The following PXMP4 variants were observed in gnomAD, a reference collection of about 807,000 sequenced individuals.
PXMP4 encodes 24 kDa peroxisomal intrinsic membrane protein.
Under a neutral mutation model 21.6 loss-of-function variants are expected in PXMP4, and 16 were observed. That is an observed-to-expected ratio of 0.74 (90% confidence interval 0.50 to 1.13). The LOEUF is 1.13. Among genes scored for constraint, PXMP4 ranks in the 50% most tolerant of loss-of-function variants. PXMP4 has a pLI of 0.00. For synonymous variants in PXMP4, 127 were observed against 123.8 expected, an observed-to-expected ratio of 1.03 and a Z score of -0.17; for missense variants, 240 against 277.7, an observed-to-expected ratio of 0.86 and a Z score of 0.96.
At chr20:33,710,235 TC>T (rs1269013085) in intron 3 of PXMP4, among the ~76,000 whole-genome samples, 3 of 127,196 alleles carry the variant, frequency 2.4e-5, no homozygotes, top group Non-Finnish European at 3.3e-5. Context: ...CCACGCCCTT[TC>T]CCCCACTCCC....
Position 33,720,115 on chromosome 20 carries a change from C to G in PXMP4, c.93G>C (p.Lys31Asn), listed in dbSNP as rs771048384. ...RRYHAALAVL[K>N]GFRNGAVYGA... ...CTCACACAGCCCCGTTCCGGAAGCC[C>G]TTAAGCACGGCCAACGCAGCGTGGT... is the stretch of plus-strand genomic sequence containing the variant. Residue 31 changes from lysine (K) to asparagine (N), a missense_variant, in exon 1 of 4, where the codon AAG becomes AAC. Lys to Asn is a moderately conservative substitution (Grantham distance 94). Coordinates refer to ENST00000409299, the MANE Select transcript of PXMP4 (RefSeq NM_007238.5). The G allele has an allele frequency of 6.2e-7, 1 of 1,613,710 alleles. No homozygotes were observed. Among genetic ancestry groups the G allele is most frequent in the Non-Finnish European group, 8.5e-7 (1 of 1,179,894 alleles).
intron 2 of PXMP4, among the ~76,000 whole-genome samples, chr20:33,712,012 A>G (rs1204044582): frequency 6.6e-6 from 1 of 151,630 alleles, no homozygotes; most frequent in East Asian, 1.9e-4. Context: ...ACTAGGGGGC[A>G]GGAAGGATAA....
In PXMP4 at chr20:33,710,726, C is replaced by G; in HGVS notation, c.204G>C (p.Leu68=). Residue 68 remains leucine (L), a synonymous_variant, in exon 3 of 4, where the codon CTG becomes CTC. Transcript: ENST00000409299. ...GSLQEKLWAI[L]QATYIHSWNL... ...TCCAGGAGTGGATATATGTGGCCTG[C>G]AGTATGGCCCACAGCTTCTCCTGGA... 6.2e-7 allele frequency: 1 copy of G among 1,611,878 alleles called. No individual in the cohort carries two copies. Among genetic ancestry groups the G allele is most frequent in the East Asian group, 2.2e-5 (1 of 44,834 alleles).
intron 2 of PXMP4, among the ~76,000 whole-genome samples, chr20:33,713,293 A>G (rs1233918937): frequency 2.0e-5 from 3 of 151,914 alleles, no homozygotes; most frequent in Non-Finnish European, 4.4e-5. Flanking sequence ...GCAGGATCCT[A>G]TCTCAAGGTC....
intron 2 of PXMP4, 133 bp downstream of exon 2, chr20:33,714,541 A>T (rs1466254804): frequency 2.1e-6 from 2 of 960,960 alleles, no homozygotes; most frequent in Non-Finnish European, 3.3e-6. Flanking sequence ...CAACAACAAC[A>T]AAACACAACA....
Position 33,710,673 on chromosome 20 carries a change from T to A in PXMP4, c.257A>T (p.Lys86Met). 1 of 1,613,890 alleles carries A rather than the reference T, an allele frequency of 6.2e-7. No homozygotes were observed. Among genetic ancestry groups the A allele is most frequent in the Non-Finnish European group, 8.5e-7 (1 of 1,179,898 alleles). Residue 86 changes from lysine (K) to methionine (M), a missense_variant, in exon 3 of 4, where the codon AAG becomes ATG. By Grantham distance (95) the Lys-to-Met change is moderately conservative. Transcript: ENST00000409299. Reference protein sequence around the residue: ...WNLARFVFTYKGLRALQSYIQ... With the variant: ...WNLARFVFTYMGLRALQSYIQ... The stretch of plus-strand genomic sequence containing the variant: ...GTAGGACTGCAGGGCACGGAGACCC[T>A]TGTAGGTGAACACAAACCGTGCCAG...
In PXMP4 at chr20:33,714,751, G is replaced by T. The variant is rs1022946295; in HGVS notation, c.114-15C>A. 4.3e-6 allele frequency: 7 copies of T among 1,612,650 alleles called. No homozygotes were observed. The African/African-American group carries it at 6.7e-5, about 15-fold the overall frequency. On this transcript the variant is annotated splice_polypyrimidine_tract_variant and intron_variant, in intron 1 of 3. Coordinates refer to ENST00000409299, the MANE Select transcript of PXMP4 (RefSeq NM_007238.5). ...TGGCTCCATAGCTGTAGAAACAGAA[G>T]AAAACAGTTACTATAATGTCACTGT...
chr20:33,703,816 G>C lies in PXMP4; in HGVS notation c.*3890C>G, dbSNP rs911901819. ...ATTCTCCAGCCCTTCAGGCCTGCCA[G>C]AGGCTGGCAAAGGAGGCACCAGTGA... On this transcript the variant is annotated 3_prime_UTR_variant, in exon 4 of 4. Coordinates refer to ENST00000409299, the MANE Select transcript of PXMP4 (RefSeq NM_007238.5). 3 of 152,326 alleles carry C rather than the reference G, an allele frequency of 2.0e-5. No individual in the cohort carries two copies. The highest frequency in any genetic ancestry group is 7.2e-5 in the African/African-American group (3 of 41,454). The allele number at this position is 152,326 out of a possible 1,614,324, so 9.4% of individuals were successfully genotyped here.
chr20:33,720,269 C>T lies in PXMP4; in HGVS notation c.-62G>A. The T allele has an allele frequency of 6.9e-7, 1 of 1,453,022 alleles. No individual in the cohort carries two copies. The allele number at this position is 1,453,022 out of a possible 1,614,324, so 90.0% of individuals were successfully genotyped here. A position where few individuals can be genotyped will look rare whatever the true frequency, so the allele number is the denominator to read the frequency against. The stretch of plus-strand genomic sequence containing the variant: ...TAAGCGCACTGACAGCCGGAGGTTC[C>T]AGCTGCGCGCCCACAGCCCCTCGGT... On this transcript the variant is annotated 5_prime_UTR_variant, in exon 1 of 4. Transcript: ENST00000409299.
intron 1 of PXMP4, among the ~76,000 whole-genome samples, chr20:33,716,304 C>T (rs2018383369): frequency 6.6e-6 from 1 of 152,208 alleles, no homozygotes; most frequent in Non-Finnish European, 1.5e-5. Context: ...TACCTCACCC[C>T]AGGGCCCTCC....
At chr20:33,711,849 C>G (rs1381044706) in intron 2 of PXMP4, among the ~76,000 whole-genome samples, 6 of 151,876 alleles carry the variant, frequency 4.0e-5, no homozygotes, top group African/African-American at 1.5e-4. Context: ...AAAAATTAGC[C>G]AGGTGTGGTG....
chr20:33,718,394 C>T (rs1309079549), intron 1 of PXMP4, among the ~76,000 whole-genome samples: 1 of 151,170 alleles, frequency 6.6e-6, no homozygotes, highest in Non-Finnish European at 1.5e-5. Flanking sequence ...GCCTGTAGTC[C>T]CAGCTACTCA....
At position 33,707,092 on chromosome 20, in the gene PXMP4, C is replaced by T. The variant is rs1257406022; in HGVS notation, c.*614G>A. 6.6e-6 allele frequency: 1 copy of T among 152,124 alleles called. No homozygotes were observed. Among genetic ancestry groups the T allele is most frequent in the Non-Finnish European group, 1.5e-5 (1 of 68,060 alleles). 9.4% of individuals were successfully genotyped at this position (152,124 alleles called of 1,614,324 possible). A position where few individuals can be genotyped will look rare whatever the true frequency, so the allele number is the denominator to read the frequency against. ...ACTGGGTTTCACCATGTTGCCCAGG[C>T]TGGTCTCAAGCTCCTGAGCTCAAGT... is the stretch of plus-strand genomic sequence containing the variant. On this transcript the variant is annotated 3_prime_UTR_variant, in exon 4 of 4. Transcript: ENST00000409299.
chr20:33,707,932 A>G lies in PXMP4; in HGVS notation c.413T>C (p.Leu138Pro), dbSNP rs1489112050. ...GCCCTTCTCTACAGCCAGGCGGCTC[A>G]GGGCAAACAGGACGCGTGACAACAG... Reference protein sequence around the residue: ...MYLLSRVLFALSRLAVEKGYI... With the variant: ...MYLLSRVLFAPSRLAVEKGYI... Residue 138 changes from leucine (L) to proline (P), a missense_variant, in exon 4 of 4, where the codon CTG becomes CCG. Leu to Pro is a moderately conservative substitution (Grantham distance 98). Coordinates refer to ENST00000409299, the MANE Select transcript of PXMP4 (RefSeq NM_007238.5). The G allele has an allele frequency of 6.2e-7, 1 of 1,613,950 alleles. No homozygotes were observed. The highest frequency in any genetic ancestry group is 8.5e-7 in the Non-Finnish European group (1 of 1,180,046).
intron 1 of PXMP4, among the ~76,000 whole-genome samples, chr20:33,717,423 G>T (rs967509827): frequency 6.6e-6 from 1 of 151,092 alleles, no homozygotes; most frequent in Non-Finnish European, 1.5e-5. Flanking sequence ...GGCGGATCAC[G>T]AGGTCAGGAG....
rs888869784 is a variant in PXMP4 at position 33,714,261 on chromosome 20, C to T, written c.176+413G>A. Among the ~76,000 whole-genome samples the T allele has an allele frequency of 7.2e-5, 11 of 152,230 alleles. No individual in the cohort carries two copies. In the East Asian group the frequency reaches 1.5e-3, roughly 21 times the overall value. ...CAGAGTTGGACTTTAGGGCCGGGCACGGTGACTCACACCTGTAATCTCAGC... is the reference window on the plus strand; with the variant it reads ...CAGAGTTGGACTTTAGGGCCGGGCATGGTGACTCACACCTGTAATCTCAGC... On this transcript the variant is annotated intron_variant, in intron 2 of 3. Coordinates refer to ENST00000409299, the MANE Select transcript of PXMP4 (RefSeq NM_007238.5).
chr20:33,705,018 C>T lies in PXMP4; in HGVS notation c.*2688G>A, dbSNP rs2018242834. 8.5e-6 allele frequency: 1 copy of T among 117,912 alleles called. No homozygotes were observed. The highest frequency in any genetic ancestry group is 3.4e-5 in the African/African-American group (1 of 29,622). 7.3% of individuals were successfully genotyped at this position (117,912 alleles called of 1,614,324 possible). The stretch of plus-strand genomic sequence containing the variant: ...TTTTTTTTTTTTTTTTTTTTTGAGA[C>T]AGAGTCTTACTCTGTCACCCAGGCT... On this transcript the variant is annotated 3_prime_UTR_variant, in exon 4 of 4. Transcript: ENST00000409299.
chr20:33,710,386 AC>A (rs1459978176), intron 3 of PXMP4, among the ~76,000 whole-genome samples, 168 bp downstream of exon 3: 1 of 75,678 alleles, frequency 1.3e-5, no homozygotes. Flanking sequence ...CTCTTCCCCA[AC>A]CCCCTCCTCT....
At position 33,720,298 on chromosome 20, in the gene PXMP4, G is replaced by A. The variant is rs935314446; in HGVS notation, c.-91C>T. 4.5e-6 allele frequency: 5 copies of A among 1,114,330 alleles called. No homozygotes were observed. In the African/African-American group the frequency reaches 4.7e-5, roughly 10 times the overall value. The allele number at this position is 1,114,330 out of a possible 1,614,324, so 69.0% of individuals were successfully genotyped here. On this transcript the variant is annotated 5_prime_UTR_variant, in exon 1 of 4. Coordinates refer to ENST00000409299, the MANE Select transcript of PXMP4 (RefSeq NM_007238.5). Reference sequence around the variant, plus strand: ...TGCGCGCCCACAGCCCCTCGGTAGCGCCGCCGACTCGTGGCGTCTATAGGC... The same window carrying A: ...TGCGCGCCCACAGCCCCTCGGTAGCACCGCCGACTCGTGGCGTCTATAGGC...
Sources: gnomAD v4.1 joint callset for allele counts (sites outside exome capture counted in the v4.1 genomes callset) on GRCh38, gnomAD v4.1.1 for gene constraint, MANE v1.5 for transcripts, NCBI Gene and HGNC (gene_info 2026-07-23, HGNC 2026-07-21) for gene names.